VAV2: variants seen among roughly 807,000 people sequenced by gnomAD.
VAV2 encodes the protein guanine nucleotide exchange factor VAV2.
A neutral mutation model predicts 132.5 loss-of-function variants in VAV2; 67 were observed. That is an observed-to-expected ratio of 0.51 (90% confidence interval 0.42 to 0.62). The LOEUF is 0.62. Among genes scored for constraint, VAV2 ranks in the 20% least tolerant of loss-of-function variants. The probability of loss-of-function intolerance (pLI) is 0.00; values close to 1 mark genes in which losing one functional copy is unlikely to be tolerated. For synonymous variants in VAV2, 492 were observed against 443.5 expected (o/e 1.11, Z -1.37); for missense variants, 938 against 1,153.6 (o/e 0.81, Z 2.71).
intron 2 of VAV2, among the ~76,000 whole-genome samples, chr9:133,913,548 G>A (rs940650717): frequency 6.6e-6 from 1 of 152,222 alleles, no homozygotes; most frequent in Admixed American, 6.5e-5. Flanking sequence ...TCTGCCCTTG[G>A]TAAAAAACCA....
intron 1 of VAV2, among the ~76,000 whole-genome samples, chr9:133,974,923 C>A (rs1331367757): frequency 1.3e-5 from 2 of 151,084 alleles, no homozygotes; most frequent in Admixed American, 1.3e-4. Flanking sequence ...AAGGTCTGTA[C>A]CTTGTGGTAC....
chr9:133,803,479 G>T (rs1835018045), intron 9 of VAV2, among the ~76,000 whole-genome samples: 1 of 151,992 alleles, frequency 6.6e-6, no homozygotes, highest in South Asian at 2.1e-4. Flanking sequence ...CAGCCACAGA[G>T]AAAAACCACA....
chr9:133,976,565 A>G (rs1842518555), intron 1 of VAV2, among the ~76,000 whole-genome samples: 1 of 152,240 alleles, frequency 6.6e-6, no homozygotes, highest in African/African-American at 2.4e-5. Flanking sequence ...AGTACACACA[A>G]TGCCACAAAC....
intron 2 of VAV2, among the ~76,000 whole-genome samples, chr9:133,917,441 C>CTTTTTTTTTTTTTTTTTTTTTTTT (rs56141918): frequency 7.5e-6 from 1 of 132,604 alleles, no homozygotes; most frequent in Admixed American, 7.2e-5. Context: ...AAAACTCTTT[C>CTTTTTTTTTTTTTTTTTTTTTTTT]TTTTTTTTTT....
chr9:133,915,207 A>G (rs1346688123), intron 2 of VAV2, among the ~76,000 whole-genome samples: 4 of 152,120 alleles, frequency 2.6e-5, no homozygotes, highest in Non-Finnish European at 2.9e-5. Context: ...GGAATTCTCC[A>G]TGGTGGGGCA....
At chr9:133,962,897 C>G (rs78781716) in intron 1 of VAV2, among the ~76,000 whole-genome samples, 4,481 of 152,296 alleles carry the variant, frequency 0.029, 218 homozygotes, top group African/African-American at 0.1. Flanking sequence ...TGACCTTCCT[C>G]CCTCCTGAGG....
At chr9:133,898,787 G>C (rs2492053) in intron 2 of VAV2, among the ~76,000 whole-genome samples, 134,087 of 147,242 alleles carry the variant, frequency 0.91, 62,142 homozygotes, top group East Asian at 1. Context: ...CACAGGCCGT[G>C]TCGGATCCAG....
intron 2 of VAV2, among the ~76,000 whole-genome samples, chr9:133,887,565 G>A (rs1274552345): frequency 2.7e-5 from 4 of 146,614 alleles, no homozygotes; most frequent in African/African-American, 5.0e-5. Context: ...CACTCACACT[G>A]TGCAGCCATC....
intron 2 of VAV2, among the ~76,000 whole-genome samples, chr9:133,870,226 A>G (rs1165429346): frequency 6.6e-6 from 1 of 152,156 alleles, no homozygotes; most frequent in Non-Finnish European, 1.5e-5. Flanking sequence ...GGGGCCCAAC[A>G]TCAATATCAG....
chr9:133,853,208 A>G (rs1269447251), intron 3 of VAV2, among the ~76,000 whole-genome samples: 1 of 152,206 alleles, frequency 6.6e-6, no homozygotes, highest in Non-Finnish European at 1.5e-5. Context: ...GCTTTAGCAC[A>G]GCAAAGGTCA....
At chr9:133,913,791 C>T (rs946324155) in intron 2 of VAV2, among the ~76,000 whole-genome samples, 4 of 152,188 alleles carry the variant, frequency 2.6e-5, no homozygotes, top group African/African-American at 7.2e-5. Context: ...GCCGGCTGTA[C>T]GCTCGTGGGA....
chr9:133,795,271 C>A (rs1834661577), intron 12 of VAV2, among the ~76,000 whole-genome samples: 1 of 152,148 alleles, frequency 6.6e-6, no homozygotes, highest in African/African-American at 2.4e-5. Context: ...CGAAGGAGCT[C>A]CCCAGGCAGG....
intron 4 of VAV2, among the ~76,000 whole-genome samples, chr9:133,815,234 C>T (rs769264266): frequency 9.2e-5 from 14 of 152,052 alleles, no homozygotes; most frequent in Middle Eastern, 3.2e-3. Flanking sequence ...AGAACTGTCA[C>T]GCCCGGATCT....
At chr9:133,813,655 G>A (rs555767813) in intron 4 of VAV2, among the ~76,000 whole-genome samples, 14 of 152,356 alleles carry the variant, frequency 9.2e-5, no homozygotes, top group Admixed American at 2.6e-4. Context: ...GCAGGCAGGC[G>A]GGCAAAGGAG....
At chr9:133,795,505 T>C (rs1484377419) in intron 12 of VAV2, among the ~76,000 whole-genome samples, 163 bp downstream of exon 12, 1 of 152,190 alleles carries the variant, frequency 6.6e-6, no homozygotes, top group Non-Finnish European at 1.5e-5. Context: ...CTCTACCTCC[T>C]GTGGGTCTCA....
chr9:133,854,209 G>GCA (rs145074433), intron 3 of VAV2, among the ~76,000 whole-genome samples: 5 of 147,560 alleles, frequency 3.4e-5, no homozygotes, highest in African/African-American at 7.5e-5. Flanking sequence ...AATCTGCAAT[G>GCA]CACACACACA....
chr9:133,864,408 C>T (rs1212621712), intron 2 of VAV2, among the ~76,000 whole-genome samples: 1 of 152,214 alleles, frequency 6.6e-6, no homozygotes, highest in Non-Finnish European at 1.5e-5. Context: ...TGGTGAGACT[C>T]ACTGAGGAAC....
chr9:133,906,192 G>A (rs1054518101), intron 2 of VAV2, among the ~76,000 whole-genome samples: 4 of 152,206 alleles, frequency 2.6e-5, no homozygotes, highest in Admixed American at 6.5e-5. Context: ...GGCTCTGTGG[G>A]GACCTTCAAA....
intron 17 of VAV2, 90 bp downstream of exon 17, chr9:133,785,686 G>C: frequency 5.4e-6 from 7 of 1,306,488 alleles, no homozygotes; most frequent in Admixed American, 1.9e-5. Context: ...CCCCTGGTCT[G>C]AGAGGAACCA....
Sources: gnomAD v4.1 joint callset for allele counts (sites outside exome capture counted in the v4.1 genomes callset) on GRCh38, gnomAD v4.1.1 for gene constraint, MANE v1.5 for transcripts, NCBI Gene and HGNC (gene_info 2026-07-23, HGNC 2026-07-21) for gene names.